The following TRA2A variants were observed in gnomAD, a reference collection of about 807,000 sequenced individuals.
The protein encoded by TRA2A is transformer 2 alpha homolog.
A neutral mutation model predicts 45.7 loss-of-function variants in TRA2A; 31 were observed. That is an observed-to-expected ratio of 0.68 (90% CI 0.51 to 0.92). The LOEUF is 0.92. Among genes scored for constraint, TRA2A ranks in the 40% least tolerant of loss-of-function variants. The pLI is 0.00. For missense variants in TRA2A, 304 were observed against 367.5 expected (o/e 0.83, Z 1.41); for synonymous variants, 132 against 126.2 (o/e 1.05, Z -0.31).
At chr7:23,510,788 T>C (rs956951742) in intron 4 of TRA2A, among the ~76,000 whole-genome samples, 48 of 152,014 alleles carry the variant, frequency 3.2e-4, no homozygotes, top group African/African-American at 1.1e-3. Context: ...TCTAAATTGA[T>C]AACATGTATC....
At chr7:23,509,507 G>C (rs910342866) in intron 4 of TRA2A, among the ~76,000 whole-genome samples, 6 of 152,128 alleles carry the variant, frequency 3.9e-5, no homozygotes, top group Admixed American at 1.3e-4. Flanking sequence ...AGGCCAAGAT[G>C]GGGGGATCAT....
At chr7:23,525,631 C>G (rs1790309977) in intron 1 of TRA2A, among the ~76,000 whole-genome samples, 1 of 152,222 alleles carries the variant, frequency 6.6e-6, no homozygotes, top group Non-Finnish European at 1.5e-5. Flanking sequence ...TTTGGTTTTT[C>G]TGTCACCCAG....
Position 23,505,242 on chromosome 7 carries a change from T to G in TRA2A, c.*317A>C. 3.5e-6 allele frequency: 1 copy of G among 289,704 alleles called. No homozygotes were observed. Among genetic ancestry groups the G allele is most frequent in the Non-Finnish European group, 6.3e-6 (1 of 159,388 alleles). The allele number at this position is 289,704 out of a possible 1,614,324, so 17.9% of individuals were successfully genotyped here. ...ACAAAAGAAGCTTTAAAAAGACAGT[T>G]TCTTTCCTTATTTGATTAGCTAGAA... On this transcript the variant is annotated 3_prime_UTR_variant, in exon 8 of 8. Transcript: ENST00000297071.
At chr7:23,522,256 T>C in intron 1 of TRA2A, 3 of 1,109,112 alleles carry the variant, frequency 2.7e-6, no homozygotes, top group Non-Finnish European at 3.3e-6. Context: ...TTCAAACAAT[T>C]CAAAATAGCC....
Position 23,505,797 on chromosome 7 carries a change from GAGA to G in TRA2A, c.784_786del (p.Ser262del). The G allele has an allele frequency of 6.4e-7, 1 of 1,553,982 alleles. No homozygotes were observed. The highest frequency in any genetic ancestry group is 8.7e-7 in the Non-Finnish European group (1 of 1,154,244). ...CGTGATCTATATCGACTATAATAAGGAGAAGGTGATCGTCTTCTGTAAGAAATG... is the reference window on the plus strand; with the variant it reads ...CGTGATCTATATCGACTATAATAAGGAGGTGATCGTCTTCTGTAAGAAATG... On this transcript the variant is annotated inframe_deletion, in exon 7 of 8. Transcript: ENST00000297071.
chr7:23,530,909 A>T (rs972373745), intron 1 of TRA2A, among the ~76,000 whole-genome samples: 8 of 147,284 alleles, frequency 5.4e-5, no homozygotes, highest in East Asian at 2.0e-4. Flanking sequence ...AGAAAGACAG[A>T]TTTTTTTTTT....
At chr7:23,514,665 G>A (rs545760226) in intron 3 of TRA2A, among the ~76,000 whole-genome samples, 3 of 151,974 alleles carry the variant, frequency 2.0e-5, no homozygotes, top group Admixed American at 2.0e-4. Flanking sequence ...CCTGATCATG[G>A]CTCACTGCAG....
chr7:23,522,047 A>G lies in TRA2A; in HGVS notation c.37-207T>C, dbSNP rs928216705. The G allele has an allele frequency of 4.3e-6, 6 of 1,391,094 alleles. No individual in the cohort carries two copies. In the African/African-American group the frequency reaches 7.3e-5, roughly 17 times the overall value. The allele number at this position is 1,391,094 out of a possible 1,614,324, so 86.2% of individuals were successfully genotyped here. A position where few individuals can be genotyped will look rare whatever the true frequency, so the allele number is the denominator to read the frequency against. ...ATTCCCTACTTGAACCAGATCACCA[A>G]TTCTCTATTAACTAAGTAATCATGC... On this transcript the variant is annotated intron_variant, in intron 1 of 7. Coordinates refer to ENST00000297071, the MANE Select transcript of TRA2A (RefSeq NM_013293.5).
At position 23,527,446 on chromosome 7, in the gene TRA2A, T is replaced by C. The variant is rs531739684; in HGVS notation, c.36+4343A>G. Among the ~76,000 whole-genome samples the C allele has an allele frequency of 4.3e-4, 66 of 152,310 alleles. 2 individuals carry two copies. Among genetic ancestry groups the C allele is most frequent in the African/African-American group, 1.5e-3 (61 of 41,584 alleles). On this transcript the variant is annotated intron_variant, in intron 1 of 7. Coordinates refer to ENST00000297071, the MANE Select transcript of TRA2A (RefSeq NM_013293.5). Reference sequence around the variant, plus strand: ...AAATTTGTGAGGACATATGAACAAATAGCAATCAGTTTTAATTCATTAGCA... The same window carrying C: ...AAATTTGTGAGGACATATGAACAAACAGCAATCAGTTTTAATTCATTAGCA...
chr7:23,528,536 C>T (rs945436327), intron 1 of TRA2A, among the ~76,000 whole-genome samples: 1 of 152,104 alleles, frequency 6.6e-6, no homozygotes, highest in African/African-American at 2.4e-5. Context: ...CAGTCACAGG[C>T]CTGGGTTTTG....
At chr7:23,507,784 T>C (rs1168080444) in intron 4 of TRA2A, among the ~76,000 whole-genome samples, 1 of 152,122 alleles carries the variant, frequency 6.6e-6, no homozygotes, top group Non-Finnish European at 1.5e-5. Flanking sequence ...CTGGTTCAAT[T>C]CCCATTCCCC....
chr7:23,507,233 G>A, intron 5 of TRA2A, 187 bp downstream of exon 5: 1 of 549,370 alleles, frequency 1.8e-6, no homozygotes. Context: ...CCGAGCAGCT[G>A]GGATTACAGG....
At chr7:23,514,615 G>C (rs10251742) in intron 3 of TRA2A, among the ~76,000 whole-genome samples, 1 of 150,226 alleles carries the variant, frequency 6.7e-6, no homozygotes, top group African/African-American at 2.4e-5. Context: ...TTTTTTCTGA[G>C]ACAGGGCCTC....
At chr7:23,518,304 A>C (rs1789978674) in intron 2 of TRA2A, among the ~76,000 whole-genome samples, 1 of 151,912 alleles carries the variant, frequency 6.6e-6, no homozygotes, top group African/African-American at 2.4e-5. Flanking sequence ...GTATCTGCTA[A>C]ACTAATTCAA....
intron 3 of TRA2A, 74 bp from the exon 4 acceptor site, chr7:23,513,156 G>C: frequency 1.9e-6 from 2 of 1,040,032 alleles, no homozygotes; most frequent in Non-Finnish European, 2.8e-6. Context: ...ACTTTGTTTA[G>C]AACACCTCAT....
At position 23,517,100 on chromosome 7, in the gene TRA2A, T is replaced by C. The variant is rs73285968; in HGVS notation, c.171-572A>G. ...AGCATGGTAACAGAACGAGACTCTG[T>C]CTCAAATAAATAAATAAATCCTTTG... On this transcript the variant is annotated intron_variant, in intron 2 of 7. Coordinates refer to ENST00000297071, the MANE Select transcript of TRA2A (RefSeq NM_013293.5). Among the ~76,000 whole-genome samples the C allele has an allele frequency of 6.6e-3, 1,001 of 151,952 alleles. 8 individuals are homozygous for C. The highest frequency in any genetic ancestry group is 0.023 in the African/African-American group (936 of 41,442).
Position 23,531,916 on chromosome 7 carries a change from G to T in TRA2A, c.-92C>A. On this transcript the variant is annotated 5_prime_UTR_variant, in exon 1 of 8. Transcript: ENST00000297071. ...AACCCGCTGACTGGACCGTGGGGAAGAGGAAAGAGTCGGCAACCACAGCCG... is the reference window on the plus strand; with the variant it reads ...AACCCGCTGACTGGACCGTGGGGAATAGGAAAGAGTCGGCAACCACAGCCG... The T allele has an allele frequency of 1.4e-6, 2 of 1,460,570 alleles. No homozygotes were observed. Among genetic ancestry groups the T allele is most frequent in the Non-Finnish European group, 1.9e-6 (2 of 1,052,862 alleles). The allele number at this position is 1,460,570 out of a possible 1,614,324, so 90.5% of individuals were successfully genotyped here.
intron 3 of TRA2A, among the ~76,000 whole-genome samples, chr7:23,514,143 C>A (rs538592126): frequency 5.2e-4 from 79 of 151,186 alleles, no homozygotes; most frequent in African/African-American, 1.7e-3. Flanking sequence ...TCTTGGCTCA[C>A]CGCAACCTCC....
chr7:23,530,871 A>G (rs1404883221), intron 1 of TRA2A, among the ~76,000 whole-genome samples: 1 of 152,096 alleles, frequency 6.6e-6, no homozygotes, highest in Non-Finnish European at 1.5e-5. Flanking sequence ...TACTGAGCCA[A>G]TGAATTCGTT....
Sources: allele counts gnomAD v4.1 joint callset (sites outside exome capture counted in the v4.1 genomes callset), GRCh38; gene constraint gnomAD v4.1.1; transcripts MANE v1.5; gene names NCBI Gene and HGNC (gene_info 2026-07-23, HGNC 2026-07-21).